Variants in STXBP5L observed in about 807,000 individuals in gnomAD.
STXBP5L encodes the protein syntaxin-binding protein 5-like.
In STXBP5L, 65 loss-of-function variants were observed where a neutral mutation model predicts 144.5. The ratio of observed to expected loss-of-function variants is 0.45; its 90% CI spans 0.37 to 0.55. STXBP5L has a LOEUF of 0.55. Among genes scored for constraint, STXBP5L ranks in the 20% least tolerant of loss-of-function variants. STXBP5L has a pLI of 0.00. For synonymous variants in STXBP5L, 505 were observed against 469.6 expected (o/e 1.08, Z -0.97); for missense variants, 1,298 against 1,405.5 (o/e 0.92, Z 1.22).
rs1416179995 is a variant in STXBP5L, at chr3:121,422,329, A to G, written c.*3232A>G. ...ACATTCTATCTGCTAAAGCGACATC[A>G]GAAGATAAGGCTTGCAAACCACAGT... On this transcript the variant is annotated 3_prime_UTR_variant, in exon 27 of 27. Transcript: ENST00000471454. The G allele has an allele frequency of 6.6e-6, 1 of 152,220 alleles. No individual in the cohort carries two copies. The highest frequency in any genetic ancestry group is 2.4e-5 in the African/African-American group (1 of 41,462). The allele number at this position is 152,220 out of a possible 1,614,324, so 9.4% of individuals were successfully genotyped here.
intron 7 of STXBP5L, among the ~76,000 whole-genome samples, chr3:121,136,787 A>T (rs2045275405): frequency 1.3e-5 from 2 of 152,234 alleles, no homozygotes; most frequent in African/African-American, 4.8e-5. Context: ...GTGTATGTTC[A>T]TTGCGGTACT....
At position 121,423,305 on chromosome 3, in the gene STXBP5L, A is replaced by G. The variant is rs2047393696; in HGVS notation, c.*4208A>G. 6.6e-6 allele frequency: 1 copy of G among 152,260 alleles called. No individual in the cohort carries two copies. The allele number at this position is 152,260 out of a possible 1,614,324, so 9.4% of individuals were successfully genotyped here. On this transcript the variant is annotated 3_prime_UTR_variant, in exon 27 of 27. Coordinates refer to ENST00000471454, the MANE Select transcript of STXBP5L (RefSeq NM_001308330.2). ...TGGGTGCCAGAAATACTTGTGGTGT[A>G]CTTGGTTTGAGCAGTACCTCTAGTA...
At chr3:121,120,287 AT>A (rs1404868511) in intron 6 of STXBP5L, among the ~76,000 whole-genome samples, 1 of 151,272 alleles carries the variant, frequency 6.6e-6, no homozygotes, top group African/African-American at 2.4e-5. Flanking sequence ...TATCAGAGGC[AT>A]TTATACCTTT....
chr3:121,397,759 G>A lies in STXBP5L; in HGVS notation c.2588-9484G>A, dbSNP rs142460302. Among the ~76,000 whole-genome samples the A allele has an allele frequency of 1.2e-4, 19 of 152,230 alleles. No individual in the cohort carries two copies. The East Asian group carries it at 3.7e-3, about 29-fold the overall frequency. ...AAATCTCTTCCCCATAAATTTATAG[G>A]TACAGAAATTATAATTGGTTGAATA... is the stretch of plus-strand genomic sequence containing the variant. On this transcript the variant is annotated intron_variant, in intron 22 of 26. Coordinates refer to ENST00000471454, the MANE Select transcript of STXBP5L (RefSeq NM_001308330.2).
chr3:121,402,123 T>C (rs1443335407), intron 22 of STXBP5L, among the ~76,000 whole-genome samples: 1 of 152,124 alleles, frequency 6.6e-6, no homozygotes, highest in Non-Finnish European at 1.5e-5. Flanking sequence ...TAAGATAAAA[T>C]AGAAGTTTAA....
At chr3:121,006,664 G>T (rs921427951) in intron 3 of STXBP5L, among the ~76,000 whole-genome samples, 12 of 152,074 alleles carry the variant, frequency 7.9e-5, no homozygotes, top group Admixed American at 3.3e-4. Flanking sequence ...TTTACAATTT[G>T]GCATGTTTTT....
At chr3:121,359,286 T>C (rs566875211) in intron 20 of STXBP5L, among the ~76,000 whole-genome samples, 1 of 152,336 alleles carries the variant, frequency 6.6e-6, no homozygotes, top group African/African-American at 2.4e-5. Context: ...ATTTTGCCCA[T>C]CTTTTGATCA....
At chr3:120,911,667 T>C (rs1708848539) in intron 2 of STXBP5L, among the ~76,000 whole-genome samples, 1 of 152,110 alleles carries the variant, frequency 6.6e-6, no homozygotes, top group Admixed American at 6.5e-5. Context: ...TAGTGGGTTA[T>C]AATAATATTA....
intron 2 of STXBP5L, among the ~76,000 whole-genome samples, chr3:120,916,904 G>A (rs191506685): frequency 2.0e-5 from 3 of 152,252 alleles, no homozygotes; most frequent in Admixed American, 2.0e-4. Context: ...CTAAAAACTT[G>A]TCTATAAATC....
At chr3:121,292,603 A>G (rs2051484655) in intron 19 of STXBP5L, among the ~76,000 whole-genome samples, 3 of 152,234 alleles carry the variant, frequency 2.0e-5, no homozygotes, top group African/African-American at 7.2e-5. Flanking sequence ...TGTTTATAGC[A>G]GCACAATTCA....
At chr3:121,021,011 T>G (rs1307413647) in intron 3 of STXBP5L, among the ~76,000 whole-genome samples, 1 of 152,122 alleles carries the variant, frequency 6.6e-6, no homozygotes, top group Non-Finnish European at 1.5e-5. Context: ...AAGTATCTGC[T>G]GTCTTTGAGA....
intron 5 of STXBP5L, among the ~76,000 whole-genome samples, chr3:121,097,916 G>T (rs866332229): frequency 2.0e-4 from 30 of 152,056 alleles, no homozygotes; most frequent in South Asian, 8.3e-4. Flanking sequence ...TTATAGAGGG[G>T]TTATACTGTT....
intron 3 of STXBP5L, among the ~76,000 whole-genome samples, chr3:121,039,729 ATCTCT>A (rs1049138991): frequency 1.3e-5 from 2 of 151,548 alleles, no homozygotes; most frequent in African/African-American, 4.8e-5. Context: ...AAAAAATTTT[ATCTCT>A]TCTCTCCCTC....
At position 120,944,479 on chromosome 3, in the gene STXBP5L, A is replaced by G. The variant is rs184141046; in HGVS notation, c.190-10461A>G. Among the ~76,000 whole-genome samples, 35 of 151,834 alleles carry G rather than the reference A, an allele frequency of 2.3e-4. No homozygotes were observed. The East Asian group carries it at 5.8e-3, about 25-fold the overall frequency. On this transcript the variant is annotated intron_variant, in intron 2 of 26. Coordinates refer to ENST00000471454, the MANE Select transcript of STXBP5L (RefSeq NM_001308330.2). ...AAATAAGTTAATGAACAAATATCCC[A>G]TTTCTATTATATATATTTCCAAATA...
intron 3 of STXBP5L, among the ~76,000 whole-genome samples, chr3:120,997,124 A>AT (rs150877540): frequency 7.9e-5 from 12 of 151,694 alleles, no homozygotes; most frequent in African/African-American, 1.2e-4. Context: ...AAAGGAAATG[A>AT]TTTTTTTTAT....
intron 19 of STXBP5L, 131 bp downstream of exon 19, chr3:121,280,087 C>T: frequency 8.9e-7 from 1 of 1,120,374 alleles, no homozygotes; most frequent in Non-Finnish European, 1.2e-6. Flanking sequence ...TTTACAAAAT[C>T]ATGTAAGTAA....
intron 2 of STXBP5L, among the ~76,000 whole-genome samples, chr3:120,942,171 T>C (rs960272118): frequency 2.0e-5 from 3 of 151,758 alleles, no homozygotes; most frequent in African/African-American, 7.2e-5. Flanking sequence ...TTTGAAAAGA[T>C]ATTTTATTAG....
intron 10 of STXBP5L, among the ~76,000 whole-genome samples, chr3:121,212,053 A>T (rs2108258780): frequency 6.6e-6 from 1 of 152,088 alleles, no homozygotes; most frequent in South Asian, 2.1e-4. Flanking sequence ...CAACTTTTAG[A>T]TGAGGTTGTT....
intron 24 of STXBP5L, among the ~76,000 whole-genome samples, chr3:121,414,616 G>C (rs867258225): frequency 7.2e-5 from 11 of 152,324 alleles, no homozygotes; most frequent in South Asian, 4.1e-4. Flanking sequence ...GCATGAAAAA[G>C]GTAAGATACT....
Sources: gnomAD v4.1 joint callset for allele counts (sites outside exome capture counted in the v4.1 genomes callset) on GRCh38, gnomAD v4.1.1 for gene constraint, MANE v1.5 for transcripts, NCBI Gene and HGNC (gene_info 2026-07-23, HGNC 2026-07-21) for gene names.